The following CDH18 variants were observed in gnomAD, a reference collection of about 807,000 sequenced individuals.
The protein encoded by CDH18 is cadherin-18.
Under a neutral mutation model 67.9 loss-of-function variants are expected in CDH18, and 31 were observed. The observed-to-expected ratio is 0.46, with a 90% CI of 0.34 to 0.62. The LOEUF (loss-of-function observed/expected upper bound fraction) is 0.62, where lower values mean the gene tolerates loss of function less well. Ranked by LOEUF, CDH18 falls within the 20% of genes least tolerant of loss-of-function variation. The pLI is 0.01. For missense variants in CDH18, 890 were observed against 975.5 expected, an observed-to-expected ratio of 0.91 and a Z score of 1.17; for synonymous variants, 362 against 347.2, an observed-to-expected ratio of 1.04 and a Z score of -0.48.
chr5:20,023,544 A>G (rs1738614868), intron 2 of CDH18, among the ~76,000 whole-genome samples: 1 of 151,690 alleles, frequency 6.6e-6, no homozygotes, highest in Non-Finnish European at 1.5e-5. Flanking sequence ...CTGTACTCCC[A>G]GCTACTCGGG....
At position 19,472,006 on chromosome 5, in the gene CDH18, T is replaced by G. The variant is rs77364256; in HGVS notation, c.*1220A>C. ...CATCTCTACTTTGTGGTTTGGACCCTGAACACAGAGACTTTCGGAAACATA... is the reference window on the plus strand; with the variant it reads ...CATCTCTACTTTGTGGTTTGGACCCGGAACACAGAGACTTTCGGAAACATA... On this transcript the variant is annotated 3_prime_UTR_variant, in exon 13 of 13. Coordinates refer to ENST00000382275, the MANE Select transcript of CDH18 (RefSeq NM_004934.5). Among the ~76,000 whole-genome samples, 25,909 of 152,124 alleles carry G rather than the reference T, an allele frequency of 0.17. 2,716 individuals carry two copies. The highest frequency in any genetic ancestry group is 0.25 in the South Asian group (1,220 of 4,822).
chr5:20,552,460 G>C (rs1426775640), intron 1 of CDH18, among the ~76,000 whole-genome samples: 1 of 152,056 alleles, frequency 6.6e-6, no homozygotes, highest in Non-Finnish European at 1.5e-5. Context: ...CTGGGTGAGA[G>C]AGTAAGACTC....
intron 7 of CDH18, among the ~76,000 whole-genome samples, chr5:19,584,999 A>AC (rs535707835): frequency 1.1e-3 from 162 of 151,140 alleles, no homozygotes; most frequent in African/African-American, 3.7e-3. Flanking sequence ...TATCTCCAAA[A>AC]AAAAAAAATT....
intron 2 of CDH18, among the ~76,000 whole-genome samples, chr5:20,247,253 C>T (rs116434594): frequency 9.5e-4 from 145 of 152,288 alleles, no homozygotes; most frequent in Non-Finnish European, 1.8e-3. Flanking sequence ...ATTGGCCCTT[C>T]ATTACTTTCC....
chr5:20,196,510 G>A (rs569843376), intron 2 of CDH18, among the ~76,000 whole-genome samples: 10 of 152,110 alleles, frequency 6.6e-5, no homozygotes, highest in Non-Finnish European at 8.8e-5. Flanking sequence ...TATTAAATGT[G>A]TAGTATCGGA....
intron 4 of CDH18, among the ~76,000 whole-genome samples, chr5:19,741,658 AC>A (rs1252901041): frequency 1.3e-5 from 2 of 152,204 alleles, no homozygotes; most frequent in East Asian, 3.9e-4. Flanking sequence ...GCATTCTGGC[AC>A]TATGAAAGTC....
chr5:19,778,073 C>T lies in CDH18; in HGVS notation c.229-30837G>A, dbSNP rs143574514. ...AACCTGAATAGCCCTGTATTTATTA[C>T]GAAATCAATTTATAGTTTAAACTTT... On this transcript the variant is annotated intron_variant, in intron 3 of 12. Transcript: ENST00000382275. 6.3e-3 allele frequency among the ~76,000 whole-genome samples: 959 copies of T among 152,110 alleles called. 10 individuals carry two copies. The highest frequency in any genetic ancestry group is 9.7e-3 in the Non-Finnish European group (660 of 67,964).
intron 11 of CDH18, among the ~76,000 whole-genome samples, chr5:19,489,225 TGTTA>T (rs1259708018): frequency 6.6e-6 from 1 of 151,660 alleles, no homozygotes; most frequent in East Asian, 1.9e-4. Context: ...GTAATCAATC[TGTTA>T]GTGTTTGTTC....
intron 12 of CDH18, among the ~76,000 whole-genome samples, chr5:19,477,193 A>C (rs763461993): frequency 6.6e-6 from 1 of 150,504 alleles, no homozygotes; most frequent in Non-Finnish European, 1.5e-5. Flanking sequence ...TTTGAGTGAA[A>C]GGGGATGTTG....
intron 2 of CDH18, among the ~76,000 whole-genome samples, chr5:20,183,965 C>T (rs1737896731): frequency 6.6e-6 from 1 of 151,994 alleles, no homozygotes; most frequent in Non-Finnish European, 1.5e-5. Flanking sequence ...GAATGACTTA[C>T]ACGAAAATAT....
intron 2 of CDH18, among the ~76,000 whole-genome samples, chr5:20,250,836 C>A (rs1188347928): frequency 6.6e-6 from 1 of 151,516 alleles, no homozygotes; most frequent in African/African-American, 2.4e-5. Flanking sequence ...CACCTCCTGG[C>A]CTCAAGTGAT....
At chr5:19,508,907 A>C (rs347699) in intron 10 of CDH18, among the ~76,000 whole-genome samples, 31,332 of 147,554 alleles carry the variant, frequency 0.21, 3,580 homozygotes, top group African/African-American at 0.28. Flanking sequence ...CTCTGTAACC[A>C]AGGCTGGAGT....
chr5:20,147,079 T>A (rs994831373), intron 2 of CDH18, among the ~76,000 whole-genome samples: 2 of 152,142 alleles, frequency 1.3e-5, no homozygotes, highest in African/African-American at 2.4e-5. Context: ...AAGTTAAAGA[T>A]AAAGTATGAC....
At chr5:19,952,823 T>C (rs568473300) in intron 2 of CDH18, among the ~76,000 whole-genome samples, 60 of 152,176 alleles carry the variant, frequency 3.9e-4, no homozygotes, top group African/African-American at 1.4e-3. Flanking sequence ...TTTGGAGAAA[T>C]GAGGATTTGT....
chr5:19,667,784 A>C (rs76124712), intron 5 of CDH18, among the ~76,000 whole-genome samples: 6,306 of 151,856 alleles, frequency 0.042, 385 homozygotes, highest in African/African-American at 0.14. Flanking sequence ...ATATATTAAG[A>C]TGCAGTCTGA....
At chr5:20,285,428 C>CATAAT (rs947885784) in intron 1 of CDH18, among the ~76,000 whole-genome samples, 2 of 115,558 alleles carry the variant, frequency 1.7e-5, no homozygotes, top group South Asian at 5.7e-4. Context: ...ATAATATAAT[C>CATAAT]ATAATATAAT....
chr5:19,475,865 C>G (rs991500385), intron 12 of CDH18, among the ~76,000 whole-genome samples: 1 of 151,944 alleles, frequency 6.6e-6, no homozygotes, highest in Non-Finnish European at 1.5e-5. Flanking sequence ...CATACTTTCC[C>G]CCCAGAAACT....
Position 20,413,981 on chromosome 5 carries a change from A to G in CDH18, c.-579-158476T>C, listed in dbSNP as rs538197406. ...TAAGTGTTGAATCCATCTTGAATTA[A>G]TTTTTATATAAGGTGTAAGGAAGGG... On this transcript the variant is annotated intron_variant, in intron 1 of 14. Coordinates refer to the CDH18 transcript ENST00000507958. Among the ~76,000 whole-genome samples the G allele has an allele frequency of 2.6e-3, 393 of 152,250 alleles. 1 individual carries two copies. Among genetic ancestry groups the G allele is most frequent in the African/African-American group, 9.1e-3 (378 of 41,558 alleles).
At chr5:20,225,526 G>A (rs1741553109) in intron 2 of CDH18, among the ~76,000 whole-genome samples, 1 of 152,028 alleles carries the variant, frequency 6.6e-6, no homozygotes, top group South Asian at 2.1e-4. Flanking sequence ...TTCTTGTGCT[G>A]TAGACATTCA....
Sources: gnomAD v4.1 joint callset for allele counts (sites outside exome capture counted in the v4.1 genomes callset) on GRCh38, gnomAD v4.1.1 for gene constraint, MANE v1.5 for transcripts, NCBI Gene and HGNC (gene_info 2026-07-23, HGNC 2026-07-21) for gene names.